Variants in RIPOR2 observed in about 807,000 individuals in gnomAD.
The protein encoded by RIPOR2 is rho family-interacting cell polarization regulator 2.
Under a neutral mutation model 114.5 loss-of-function variants are expected in RIPOR2, and 39 were observed. The ratio of observed to expected loss-of-function variants is 0.34; its 90% CI spans 0.26 to 0.44. The LOEUF is 0.44. RIPOR2 is among the 20% of genes least tolerant of loss of function. RIPOR2 has a pLI of 1.00. For synonymous variants in RIPOR2, 445 were observed against 484.4 expected (o/e 0.92, Z 1.07); for missense variants, 1,007 against 1,255.1 (o/e 0.80, Z 2.99).
intron 1 of RIPOR2, among the ~76,000 whole-genome samples, chr6:24,991,528 C>T (rs1285707888): frequency 9.9e-5 from 15 of 152,130 alleles, no homozygotes; most frequent in Admixed American, 9.8e-4. Context: ...ATTATGTCCC[C>T]CTGCTAGGTA....
intron 1 of RIPOR2, among the ~76,000 whole-genome samples, chr6:24,879,385 G>A (rs556122457): frequency 2.8e-4 from 42 of 152,284 alleles, no homozygotes; most frequent in African/African-American, 9.6e-4. Context: ...ATTTACATAT[G>A]GAACTGATGG....
intron 1 of RIPOR2, among the ~76,000 whole-genome samples, chr6:25,017,558 A>G (rs1776075635): frequency 6.6e-6 from 1 of 152,208 alleles, no homozygotes; most frequent in South Asian, 2.1e-4. Context: ...TCTTCCACAA[A>G]GTCCTTCCGG....
At chr6:24,811,535 C>A (rs1781163417) in intron 20 of RIPOR2, among the ~76,000 whole-genome samples, 1 of 151,954 alleles carries the variant, frequency 6.6e-6, no homozygotes, top group Non-Finnish European at 1.5e-5. Context: ...CTGCACCTGG[C>A]CTTCTCTCAT....
At chr6:24,894,199 G>A (rs2144212) in intron 1 of RIPOR2, among the ~76,000 whole-genome samples, 1 of 152,182 alleles carries the variant, frequency 6.6e-6, no homozygotes, top group Non-Finnish European at 1.5e-5. Flanking sequence ...AGGTGATTCA[G>A]GACAATATTT....
At chr6:24,948,025 T>C (rs910490920) in intron 1 of RIPOR2, 1 of 152,264 alleles carries the variant, frequency 6.6e-6, no homozygotes, top group South Asian at 2.1e-4. Flanking sequence ...ACTAGCATCA[T>C]AGATGCCTAA....
intron 14 of RIPOR2, 103 bp downstream of exon 14, chr6:24,838,988 T>C: frequency 1.0e-6 from 1 of 982,790 alleles, no homozygotes; most frequent in Admixed American, 2.8e-5. Context: ...TGGAGAGTTT[T>C]ATCTTCCTGG....
At chr6:24,979,800 C>T (rs868061650) in intron 1 of RIPOR2, among the ~76,000 whole-genome samples, 10 of 152,238 alleles carry the variant, frequency 6.6e-5, no homozygotes, top group Non-Finnish European at 7.4e-5. Flanking sequence ...CTGACAAATC[C>T]GGGTTCAAAT....
chr6:24,955,610 C>T (rs1044814743), intron 1 of RIPOR2, among the ~76,000 whole-genome samples: 1 of 151,798 alleles, frequency 6.6e-6, no homozygotes, highest in Admixed American at 6.6e-5. Context: ...TTCTTCTCTT[C>T]CGCTTTTAAA....
chr6:24,830,811 G>A, intron 16 of RIPOR2, 141 bp from the exon 17 acceptor site: 1 of 816,818 alleles, frequency 1.2e-6, no homozygotes, highest in East Asian at 2.9e-5. Flanking sequence ...CGCCTCCTGG[G>A]TTCAAGTGAT....
intron 16 of RIPOR2, among the ~76,000 whole-genome samples, 156 bp downstream of exon 16, chr6:24,832,100 A>C (rs1017122562): frequency 6.6e-6 from 1 of 152,204 alleles, no homozygotes; most frequent in South Asian, 2.1e-4. Context: ...GAAATGTGAC[A>C]TTAATGAGCC....
chr6:24,909,355 T>G (rs751924034), intron 1 of RIPOR2, among the ~76,000 whole-genome samples: 9 of 152,044 alleles, frequency 5.9e-5, no homozygotes, highest in Non-Finnish European at 1.3e-4. Flanking sequence ...CTCGGAGAGT[T>G]CGTGGCTGAC....
At chr6:24,934,430 C>A (rs1771619703) in intron 1 of RIPOR2, among the ~76,000 whole-genome samples, 1 of 152,028 alleles carries the variant, frequency 6.6e-6, no homozygotes, top group African/African-American at 2.4e-5. Context: ...TGATAAAAAC[C>A]CAACTAATGA....
intron 1 of RIPOR2, among the ~76,000 whole-genome samples, chr6:24,884,809 C>T (rs1274676526): frequency 6.6e-6 from 1 of 152,218 alleles, no homozygotes; most frequent in Non-Finnish European, 1.5e-5. Flanking sequence ...TCCACCATCT[C>T]TGTAGATGGC....
chr6:24,920,051 A>G (rs1770365448), intron 1 of RIPOR2, among the ~76,000 whole-genome samples: 1 of 152,244 alleles, frequency 6.6e-6, no homozygotes, highest in Admixed American at 6.5e-5. Flanking sequence ...GAAGTGATTG[A>G]AGATATAACC....
chr6:24,934,661 G>A (rs560538700), intron 1 of RIPOR2, among the ~76,000 whole-genome samples: 9 of 152,238 alleles, frequency 5.9e-5, no homozygotes, highest in Non-Finnish European at 1.0e-4. Flanking sequence ...ATTGCTAGAC[G>A]TAGTTTCTTG....
chr6:25,006,363 A>T (rs748865087), intron 1 of RIPOR2, among the ~76,000 whole-genome samples: 1 of 152,196 alleles, frequency 6.6e-6, no homozygotes, highest in Non-Finnish European at 1.5e-5. Flanking sequence ...GGTTCTCATG[A>T]TTCTTATAGT....
chr6:24,817,990 G>C (rs1759320318), intron 20 of RIPOR2, among the ~76,000 whole-genome samples: 1 of 7,562 alleles, frequency 1.3e-4, no homozygotes, highest in African/African-American at 2.4e-4. Flanking sequence ...TTTTTTTTGA[G>C]ACAGAGTCTG....
chr6:24,922,774 T>C (rs1770589097), intron 1 of RIPOR2, among the ~76,000 whole-genome samples: 1 of 148,774 alleles, frequency 6.7e-6, no homozygotes, highest in African/African-American at 2.5e-5. Context: ...GGCACAAGAA[T>C]TGCTTGAACC....
intron 1 of RIPOR2, among the ~76,000 whole-genome samples, chr6:24,945,893 C>T (rs1161970312): frequency 2.0e-5 from 3 of 151,900 alleles, no homozygotes; most frequent in Non-Finnish European, 2.9e-5. Context: ...TTAGTGCTTA[C>T]ACCTATATAA....
Sources: gnomAD v4.1 joint callset for allele counts (sites outside exome capture counted in the v4.1 genomes callset) on GRCh38, gnomAD v4.1.1 for gene constraint, MANE v1.5 for transcripts, NCBI Gene and HGNC (gene_info 2026-07-23, HGNC 2026-07-21) for gene names.